Variants in GARIN2 observed in about 807,000 individuals in gnomAD.
GARIN2 encodes golgi associated RAB2 interactor family member 2, also known as Golgi-associated RAB2 interactor protein 2.
the GARIN2 span, among the ~76,000 whole-genome samples, chr14:67,206,137 T>C: frequency 6.6e-6 from 1 of 151,846 alleles, no homozygotes; most frequent in Admixed American, 6.6e-5. Context: ...TGAGCCGAGA[T>C]CATGCCACTG....
At chr14:67,203,316 T>C in the GARIN2 span, 1 of 1,534,102 alleles carries the variant, frequency 6.5e-7, no homozygotes, top group South Asian at 1.2e-5. Flanking sequence ...GAGAAGAGGT[T>C]AAAGATCTCT....
At chr14:67,228,050 A>C in the GARIN2 span, among the ~76,000 whole-genome samples, 1 of 151,824 alleles carries the variant, frequency 6.6e-6, no homozygotes, top group African/African-American at 2.4e-5. Flanking sequence ...GGCACCTGTA[A>C]TCCTAGCTAC....
chr14:67,218,519 A>G, the GARIN2 span, among the ~76,000 whole-genome samples: 6 of 152,018 alleles, frequency 3.9e-5, no homozygotes, highest in Non-Finnish European at 8.8e-5. Flanking sequence ...GGGCATGTCA[A>G]CCTGGGTGGC....
chr14:67,203,634 T>C, the GARIN2 span, among the ~76,000 whole-genome samples: 1 of 152,346 alleles, frequency 6.6e-6, no homozygotes, highest in East Asian at 1.9e-4. Context: ...TCTATGATCA[T>C]GAGCAAATTG....
At chr14:67,221,862 A>G in the GARIN2 span, 8 of 1,598,734 alleles carry the variant, frequency 5.0e-6, no homozygotes, top group Non-Finnish European at 6.8e-6. Context: ...TTCAGTAGTC[A>G]TCTCTGGTTC....
the GARIN2 span, chr14:67,228,419 CTT>C: frequency 2.5e-6 from 1 of 402,978 alleles, no homozygotes; most frequent in Non-Finnish European, 3.3e-6. Flanking sequence ...ACTTCTCCAC[CTT>C]TTTTTAAAAT....
chr14:67,227,986 A>G, the GARIN2 span, among the ~76,000 whole-genome samples: 1 of 152,136 alleles, frequency 6.6e-6, no homozygotes, highest in African/African-American at 2.4e-5. Flanking sequence ...CCTGGCCAAC[A>G]TGGTGAAACC....
chr14:67,213,061 A>G, the GARIN2 span, among the ~76,000 whole-genome samples: 1 of 150,440 alleles, frequency 6.6e-6, no homozygotes, highest in Non-Finnish European at 1.5e-5. Flanking sequence ...TTACTGAATC[A>G]TAAGCTTGGG....
chr14:67,218,195 G>T, the GARIN2 span, among the ~76,000 whole-genome samples: 4 of 152,156 alleles, frequency 2.6e-5, no homozygotes, highest in Non-Finnish European at 5.9e-5. Flanking sequence ...TGGCTTGCTG[G>T]GTTTGGGGCC....
chr14:67,211,700 G>A, the GARIN2 span, among the ~76,000 whole-genome samples: 1 of 152,152 alleles, frequency 6.6e-6, no homozygotes, highest in Non-Finnish European at 1.5e-5. Context: ...AAGCTACAGT[G>A]GGAGTACCAT....
the GARIN2 span, among the ~76,000 whole-genome samples, chr14:67,214,262 T>A: frequency 1.3e-5 from 2 of 152,218 alleles, no homozygotes; most frequent in African/African-American, 4.8e-5. Context: ...CTGAATGGTA[T>A]TGCCTAGGTT....
the GARIN2 span, among the ~76,000 whole-genome samples, chr14:67,194,938 G>A: frequency 2.8e-4 from 42 of 152,140 alleles, no homozygotes; most frequent in Non-Finnish European, 2.9e-4. Flanking sequence ...GATTATAGGC[G>A]TGAGCCACCG....
chr14:67,212,403 C>T, the GARIN2 span, among the ~76,000 whole-genome samples: 2 of 151,526 alleles, frequency 1.3e-5, no homozygotes, highest in African/African-American at 4.9e-5. Context: ...GCCTGGGCAA[C>T]ATTGCAAAAC....
chr14:67,202,923 T>G, the GARIN2 span: 2 of 252,590 alleles, frequency 7.9e-6, no homozygotes, highest in Non-Finnish European at 1.3e-5. Context: ...TCAGAGGCTG[T>G]GTCTGTTCCC....
chr14:67,222,781 C>A, the GARIN2 span, among the ~76,000 whole-genome samples: 1 of 152,012 alleles, frequency 6.6e-6, no homozygotes, highest in African/African-American at 2.4e-5. Context: ...GGGAGACAGA[C>A]CAAGCCTCAG....
At chr14:67,211,471 T>A in the GARIN2 span, among the ~76,000 whole-genome samples, 1 of 152,198 alleles carries the variant, frequency 6.6e-6, no homozygotes, top group Admixed American at 6.5e-5. Flanking sequence ...ATATTTTTAA[T>A]GTAGTAAAAA....
chr14:67,195,226 C>G, the GARIN2 span, among the ~76,000 whole-genome samples: 9 of 152,204 alleles, frequency 5.9e-5, no homozygotes, highest in East Asian at 1.7e-3. Context: ...CCTCAGCTAA[C>G]CTCAACTTTG....
chr14:67,222,117 A>T, the GARIN2 span: 109 of 291,470 alleles, frequency 3.7e-4, no homozygotes, highest in South Asian at 8.6e-3. Context: ...CGCCAAGCCT[A>T]GTTCTGCAGG....
the GARIN2 span, among the ~76,000 whole-genome samples, chr14:67,202,751 C>G: frequency 6.6e-6 from 1 of 152,194 alleles, no homozygotes; most frequent in South Asian, 2.1e-4. Context: ...CTAACTGTTA[C>G]CAGAACATCA....
Sources: gnomAD v4.1 joint callset for allele counts (sites outside exome capture counted in the v4.1 genomes callset) on GRCh38, gnomAD v4.1.1 for gene constraint, MANE v1.5 for transcripts, NCBI Gene and HGNC (gene_info 2026-07-23, HGNC 2026-07-21) for gene names.